Variants in CHRM3 observed in about 807,000 individuals in gnomAD.
The protein encoded by CHRM3 is muscarinic acetylcholine receptor M3.
A neutral mutation model predicts 41.8 loss-of-function variants in CHRM3; 11 were observed. The observed-to-expected ratio is 0.26, with a 90% CI of 0.17 to 0.44. The LOEUF (loss-of-function observed/expected upper bound fraction) is 0.44. Among genes scored for constraint, CHRM3 ranks in the 20% least tolerant of loss-of-function variants. The pLI is 1.00. For missense variants in CHRM3, 571 were observed against 745.4 expected (o/e 0.77, Z 2.72); for synonymous variants, 297 against 301.4 (o/e 0.99, Z 0.15).
At chr1:239,421,066 G>A in intron 1 of CHRM3, among the ~76,000 whole-genome samples, 1 of 152,026 alleles carries the variant, frequency 6.6e-6, no homozygotes, top group East Asian at 1.9e-4. Context: ...TTTAAAAAGA[G>A]GAAATAAACA....
chr1:239,505,885 G>A (rs1430644923), intron 2 of CHRM3, among the ~76,000 whole-genome samples: 2 of 152,190 alleles, frequency 1.3e-5, no homozygotes, highest in Non-Finnish European at 2.9e-5. Flanking sequence ...AGATGGAGAT[G>A]AGGAACTTCT....
intron 3 of CHRM3, among the ~76,000 whole-genome samples, chr1:239,580,447 A>G (rs977447108): frequency 2.6e-5 from 4 of 151,950 alleles, no homozygotes; most frequent in African/African-American, 9.7e-5. Flanking sequence ...AACTATTTAT[A>G]TAATCTTGTA....
At chr1:239,848,123 T>A (rs1389681074) in intron 6 of CHRM3, among the ~76,000 whole-genome samples, 1 of 152,144 alleles carries the variant, frequency 6.6e-6, no homozygotes, top group East Asian at 1.9e-4. Flanking sequence ...AATAGATATA[T>A]CCATTCATCC....
chr1:239,525,180 T>C (rs955358471), intron 2 of CHRM3, among the ~76,000 whole-genome samples: 1 of 152,058 alleles, frequency 6.6e-6, no homozygotes, highest in South Asian at 2.1e-4. Context: ...CTGGGCAACA[T>C]AGGGAAAACC....
intron 6 of CHRM3, among the ~76,000 whole-genome samples, chr1:239,892,994 C>T (rs1246632765): frequency 6.6e-6 from 1 of 152,122 alleles, no homozygotes; most frequent in Non-Finnish European, 1.5e-5. Context: ...GGTGTAAAAT[C>T]TTGGATCAGA....
chr1:239,629,177 G>A (rs12239518), intron 3 of CHRM3: 41,324 of 139,974 alleles, frequency 0.3, 6,568 homozygotes, highest in East Asian at 0.7. Flanking sequence ...AGGACCCTCC[G>A]AGCCAGGTGT....
chr1:239,427,038 C>T (rs1662443902), intron 1 of CHRM3, among the ~76,000 whole-genome samples: 1 of 151,908 alleles, frequency 6.6e-6, no homozygotes, highest in South Asian at 2.1e-4. Context: ...CCATTTGAGA[C>T]ATGTTAATTT....
intron 4 of CHRM3, among the ~76,000 whole-genome samples, chr1:239,643,723 A>G (rs371696934): frequency 6.6e-6 from 1 of 152,176 alleles, no homozygotes; most frequent in Admixed American, 6.5e-5. Context: ...GCGCTTCCCA[A>G]GTGAGGCAAT....
chr1:239,760,160 C>T (rs140680242), intron 5 of CHRM3, among the ~76,000 whole-genome samples: 146 of 151,552 alleles, frequency 9.6e-4, no homozygotes, highest in African/African-American at 3.3e-3. Context: ...CTCCTGACCT[C>T]GTGATCCGCC....
At chr1:239,560,150 A>T (rs2148485182) in intron 3 of CHRM3, among the ~76,000 whole-genome samples, 1 of 152,360 alleles carries the variant, frequency 6.6e-6, no homozygotes, top group African/African-American at 2.4e-5. Flanking sequence ...AAATACCACT[A>T]TTTAGGCAAA....
Position 239,908,593 on chromosome 1 carries a change from C to A in CHRM3, c.1142C>A (p.Thr381Asn). Reference sequence around the variant, plus strand: ...GGTCACAGCACCATCCTCAACTCCACCAAGTTACCCTCATCGGACAACCTG... The same window carrying A: ...GGTCACAGCACCATCCTCAACTCCAACAAGTTACCCTCATCGGACAACCTG... The part of the protein sequence containing the change: ...LPGHSTILNS[T>N]KLPSSDNLQV... Residue 381 changes from threonine to asparagine, a missense_variant, in exon 7 of 7, where the codon ACC becomes AAC. By Grantham distance (65) the Thr-to-Asn change is moderately conservative. Coordinates refer to ENST00000676153, the MANE Select transcript of CHRM3 (RefSeq NM_001375978.1). This position sits in a 1 kb window ranked among gnomAD's most constrained non-coding sequence, Gnocchi z 7.2. The A allele has an allele frequency of 1.2e-6, 2 of 1,600,468 alleles. No homozygotes were observed. The highest frequency in any genetic ancestry group is 8.5e-7 in the Non-Finnish European group (1 of 1,173,396).
At chr1:239,861,181 A>G (rs189942301) in intron 6 of CHRM3, among the ~76,000 whole-genome samples, 72 of 152,296 alleles carry the variant, frequency 4.7e-4, no homozygotes, top group Non-Finnish European at 8.7e-4. Flanking sequence ...AAAACAAGCT[A>G]TGAAGCTTAT....
intron 3 of CHRM3, among the ~76,000 whole-genome samples, chr1:239,614,083 C>A (rs530780410): frequency 1.9e-3 from 285 of 152,312 alleles, no homozygotes; most frequent in Admixed American, 3.5e-3. Context: ...TAGAGGATCT[C>A]TTGAGCATGG....
At chr1:239,616,302 A>G (rs758999191) in intron 3 of CHRM3, among the ~76,000 whole-genome samples, 1 of 152,054 alleles carries the variant, frequency 6.6e-6, no homozygotes, top group Non-Finnish European at 1.5e-5. Flanking sequence ...CACACAACTT[A>G]TCTCTAGGTT....
intron 5 of CHRM3, among the ~76,000 whole-genome samples, chr1:239,778,384 T>C (rs764924246): frequency 6.6e-6 from 1 of 152,178 alleles, no homozygotes; most frequent in Non-Finnish European, 1.5e-5. Flanking sequence ...TTAAATTTAC[T>C]TCTGAAATCT....
At position 239,813,839 on chromosome 1, in the gene CHRM3, C is replaced by T. The variant is rs888013392; in HGVS notation, c.-146-13413C>T. On this transcript the variant is annotated intron_variant, in intron 5 of 6. Transcript: ENST00000676153. ...GGCTGAGGCAGGAGAATGGCGTGAA[C>T]CCGGGAGGCGGAGCTTGCAGTGAGC... Among the ~76,000 whole-genome samples the T allele has an allele frequency of 3.7e-5, 5 of 134,714 alleles. No individual in the cohort carries two copies. In the East Asian group the frequency reaches 1.1e-3, roughly 29 times the overall value. 88.4% of individuals were successfully genotyped at this position (134,714 alleles called of 152,430 possible). A position where few individuals can be genotyped will look rare whatever the true frequency, so the allele number is the denominator to read the frequency against.
intron 2 of CHRM3, among the ~76,000 whole-genome samples, chr1:239,543,798 G>A (rs934909225): frequency 1.3e-5 from 2 of 152,046 alleles, no homozygotes; most frequent in African/African-American, 2.4e-5. Flanking sequence ...GCGAGCCACC[G>A]CGCCCTGCCC....
chr1:239,762,211 T>C (rs1472339800), intron 5 of CHRM3, among the ~76,000 whole-genome samples: 2 of 152,222 alleles, frequency 1.3e-5, no homozygotes, highest in Non-Finnish European at 2.9e-5. Flanking sequence ...ACTAGTTCAA[T>C]AATCACATCC....
At chr1:239,750,464 C>T (rs1406798350) in intron 5 of CHRM3, among the ~76,000 whole-genome samples, 1 of 152,154 alleles carries the variant, frequency 6.6e-6, no homozygotes, top group African/African-American at 2.4e-5. Context: ...CTCCGAATAC[C>T]ATTTTCATCT....
Sources: gnomAD v4.1 joint callset for allele counts (sites outside exome capture counted in the v4.1 genomes callset) on GRCh38, gnomAD v4.1.1 for gene constraint, Gnocchi (gnomAD v3.1) non-coding constraint, MANE v1.5 for transcripts, NCBI Gene and HGNC (gene_info 2026-07-23, HGNC 2026-07-21) for gene names.